The following UTP20 variants were observed in gnomAD, a reference collection of about 807,000 sequenced individuals.
UTP20 encodes small subunit processome component 20 homolog.
Under a neutral mutation model 329.5 loss-of-function variants are expected in UTP20, and 164 were observed. That is an observed-to-expected ratio of 0.50 (90% CI 0.44 to 0.57). UTP20 has a LOEUF of 0.57. Ranked by LOEUF, UTP20 falls within the 20% of genes least tolerant of loss-of-function variation. The pLI is 0.00. For missense variants in UTP20, 3,055 were observed against 3,284.2 expected (o/e 0.93, Z 1.71); for synonymous variants, 1,151 against 1,159.3 (o/e 0.99, Z 0.14).
chr12:101,363,474 T>G (rs1490736671), intron 44 of UTP20, 102 bp from the exon 45 acceptor site: 1 of 1,021,234 alleles, frequency 9.8e-7, no homozygotes, highest in Admixed American at 3.1e-5. Context: ...CCAACTTGCA[T>G]TTCTTTGATT....
chr12:101,385,343 G>A (rs75731627), intron 60 of UTP20, among the ~76,000 whole-genome samples: 1,783 of 152,258 alleles, frequency 0.012, 77 homozygotes, highest in Admixed American at 0.07. Flanking sequence ...TGGCTGGAGT[G>A]CTATGTCTAG....
intron 57 of UTP20, 30 bp downstream of exon 57, chr12:101,379,588 C>A: frequency 6.3e-7 from 1 of 1,590,600 alleles, no homozygotes; most frequent in Non-Finnish European, 8.6e-7. Flanking sequence ...TTTTCCTTCC[C>A]TCGTGACTGT....
intron 2 of UTP20, among the ~76,000 whole-genome samples, chr12:101,283,699 C>G (rs1053945309): frequency 6.6e-6 from 1 of 152,020 alleles, no homozygotes; most frequent in Non-Finnish European, 1.5e-5. Context: ...AAAACAACAA[C>G]AAAAAAATTT....
At chr12:101,342,649 T>G in intron 33 of UTP20, 60 bp downstream of exon 33, 1 of 1,558,598 alleles carries the variant, frequency 6.4e-7, no homozygotes, top group Non-Finnish European at 8.7e-7. Flanking sequence ...TTATGACTTG[T>G]AAACCATATT....
intron 31 of UTP20, among the ~76,000 whole-genome samples, chr12:101,340,171 C>G (rs992635245): frequency 1.3e-5 from 2 of 152,124 alleles, no homozygotes; most frequent in Non-Finnish European, 2.9e-5. Context: ...TACATAAACC[C>G]TTAAGTCTTG....
chr12:101,311,725 T>G lies in UTP20; in HGVS notation c.2238T>G (p.His746Gln). 6.2e-7 allele frequency: 1 copy of G among 1,612,130 alleles called. No individual in the cohort carries two copies. Among genetic ancestry groups the G allele is most frequent in the South Asian group, 1.1e-5 (1 of 90,394 alleles). Residue 746 changes from histidine (H) to glutamine (Q), a missense_variant, in exon 20 of 62, where the codon CAT becomes CAG. By Grantham distance (24) the His-to-Gln change is conservative (BLOSUM62 0). Around this residue, in one of 3 missense-constraint regions of UTP20, gnomAD observed 2,445 missense variants for 2,575.5 expected, o/e 0.95. Transcript: ENST00000261637. ...GATTTTTTTTTTCCCTTAGTTCTCATGCACACGAAATGGAAAATAAGCAAT... is the reference window on the plus strand; with the variant it reads ...GATTTTTTTTTTCCCTTAGTTCTCAGGCACACGAAATGGAAAATAAGCAAT... ...WDPVIELISSHAHEMENKQFW... is the reference protein window; with the variant it reads ...WDPVIELISSQAHEMENKQFW...
chr12:101,359,023 C>A (rs1266677238), intron 43 of UTP20, among the ~76,000 whole-genome samples: 2 of 152,070 alleles, frequency 1.3e-5, no homozygotes, highest in Non-Finnish European at 2.9e-5. Flanking sequence ...AGCTTCTTGA[C>A]CAAATTTGAA....
chr12:101,346,876 T>A (rs2120950849), intron 38 of UTP20, among the ~76,000 whole-genome samples: 1 of 152,344 alleles, frequency 6.6e-6, no homozygotes, highest in South Asian at 2.1e-4. Context: ...TTTTGTGTCA[T>A]AGGACTTAAA....
In UTP20 at chr12:101,340,592, C is replaced by T. The variant is rs1323023182; in HGVS notation, c.4083C>T (p.His1361=). 6 of 1,611,114 alleles carry T rather than the reference C, an allele frequency of 3.7e-6. No homozygotes were observed. The Admixed American group carries it at 8.4e-5, about 22-fold the overall frequency. Residue 1361 remains histidine, a synonymous_variant, in exon 32 of 62, where the codon CAC becomes CAT. Transcript: ENST00000261637. ...TTACGCTTCTCCTTCCATTCCTCCACCGTGGCAATATTGCTGAGGTACAAA... is the reference window on the plus strand; with the variant it reads ...TTACGCTTCTCCTTCCATTCCTCCATCGTGGCAATATTGCTGAGGTACAAA... The part of the protein sequence containing the change: ...VLITLLLPFL[H]RGNIAEDTEV...
intron 38 of UTP20, among the ~76,000 whole-genome samples, chr12:101,350,757 A>G (rs1448884035): frequency 6.6e-6 from 1 of 151,938 alleles, no homozygotes; most frequent in Non-Finnish European, 1.5e-5. Context: ...TCAACCTTAT[A>G]TGGTCTTTGA....
chr12:101,334,386 A>G (rs761115340), intron 28 of UTP20, 39 bp from the exon 29 acceptor site: 20 of 1,547,462 alleles, frequency 1.3e-5, no homozygotes, highest in Admixed American at 5.2e-5. Context: ...ATAATTTGGT[A>G]TATGTATTTG....
chr12:101,352,391 T>A (rs1869558882), intron 39 of UTP20, among the ~76,000 whole-genome samples, 197 bp downstream of exon 39: 1 of 152,130 alleles, frequency 6.6e-6, no homozygotes, highest in South Asian at 2.1e-4. Context: ...GCAGCATGAT[T>A]TATAGTCCTT....
At position 101,366,564 on chromosome 12, in the gene UTP20, A is replaced by G. The variant is rs775536083; in HGVS notation, c.6132A>G (p.Pro2044=). The G allele has an allele frequency of 3.7e-6, 6 of 1,610,902 alleles. No homozygotes were observed. Among genetic ancestry groups the G allele is most frequent in the Non-Finnish European group, 5.1e-6 (6 of 1,178,906 alleles). ...CATGCCACGTGATTGACAGAAATCC[A>G]GTAGCCCCAGCACCAGATCCACGTC... is the stretch of plus-strand genomic sequence containing the variant. ...LPLLTEKEKN[P]VAPAPDPRLP... Residue 2044 remains proline (P), a synonymous_variant, in exon 47 of 62, where the codon CCA becomes CCG. Transcript: ENST00000261637.
At chr12:101,375,507 A>G in intron 55 of UTP20, 117 bp from the exon 56 acceptor site, 1 of 1,014,208 alleles carries the variant, frequency 9.9e-7, no homozygotes, top group South Asian at 1.5e-5. Context: ...CTGGCCCACA[A>G]TGTCAGGAGT....
Position 101,350,235 on chromosome 12 carries a change from T to TAGCGGTATGATCAGTGA in UTP20, c.4885-1817_4885-1816insGGTATGATCAGTGAAGC, listed in dbSNP as rs1169795685. 2.0e-5 allele frequency among the ~76,000 whole-genome samples: 3 copies of TAGCGGTATGATCAGTGA among 152,262 alleles called. No homozygotes were observed. The East Asian group carries it at 5.8e-4, about 29-fold the overall frequency. ...AGGCTGGAGTGCAGTGGTATGATCA[T>TAGCGGTATGATCAGTGA]AGCTCACTGCAGCTTCAAACTCCTG... On this transcript the variant is annotated intron_variant, in intron 38 of 61. Coordinates refer to ENST00000261637, the MANE Select transcript of UTP20 (RefSeq NM_014503.3).
intron 12 of UTP20, among the ~76,000 whole-genome samples, chr12:101,296,757 A>T (rs1872370876): frequency 6.6e-6 from 1 of 152,016 alleles, no homozygotes; most frequent in South Asian, 2.1e-4. Flanking sequence ...CAAAAAATAA[A>T]ATAAAATAAA....
chr12:101,306,580 C>A, intron 16 of UTP20, 119 bp from the exon 17 acceptor site: 2 of 901,172 alleles, frequency 2.2e-6, no homozygotes, highest in Non-Finnish European at 1.6e-6. Context: ...GCACATATTA[C>A]TCTGGTCAAA....
chr12:101,376,926 G>T (rs1200008063), intron 56 of UTP20, among the ~76,000 whole-genome samples: 3 of 152,146 alleles, frequency 2.0e-5, no homozygotes, highest in Non-Finnish European at 2.9e-5. Context: ...GGGATTACAG[G>T]TGTGAGCCAC....
chr12:101,290,424 A>G (rs1222311693), intron 7 of UTP20, 150 bp downstream of exon 7: 7 of 967,956 alleles, frequency 7.2e-6, no homozygotes, highest in African/African-American at 4.9e-5. Flanking sequence ...TGCTTACCCA[A>G]TGTAGGCCTT....
Sources: gnomAD v4.1 joint callset for allele counts (sites outside exome capture counted in the v4.1 genomes callset) on GRCh38, gnomAD v4.1.1 for gene constraint, gnomAD v4.1.1 regional missense constraint, MANE v1.5 for transcripts, NCBI Gene and HGNC (gene_info 2026-07-23, HGNC 2026-07-21) for gene names.